ASIC2: variants seen among roughly 807,000 people sequenced by gnomAD.
ASIC2 encodes acid sensing ion channel subunit 2.
ASIC2 carries 25 observed loss-of-function variants against 57.3 expected under a neutral mutation model. The ratio of observed to expected loss-of-function variants is 0.44; its 90% confidence interval spans 0.32 to 0.61. The LOEUF (loss-of-function observed/expected upper bound fraction) is 0.61, where lower values mean the gene tolerates loss of function less well. Among genes scored for constraint, ASIC2 ranks in the 20% least tolerant of loss-of-function variants. ASIC2 has a pLI of 0.06. For missense variants in ASIC2, 641 were observed against 738.1 expected (o/e 0.87, Z 1.52); for synonymous variants, 319 against 307.5 (o/e 1.04, Z -0.39).
chr17:33,222,951 A>G (rs2142099171), intron 1 of ASIC2, among the ~76,000 whole-genome samples: 1 of 152,224 alleles, frequency 6.6e-6, no homozygotes. Context: ...CCAGAAGCCC[A>G]GTTTCTTACC....
At chr17:33,231,070 C>T (rs1170494041) in intron 1 of ASIC2, among the ~76,000 whole-genome samples, 2 of 152,144 alleles carry the variant, frequency 1.3e-5, no homozygotes, top group Non-Finnish European at 1.5e-5. Flanking sequence ...ACAGGGCTCT[C>T]TTGTCCTTAG....
chr17:34,030,206 G>A (rs960777963), intron 1 of ASIC2, among the ~76,000 whole-genome samples: 1 of 152,136 alleles, frequency 6.6e-6, no homozygotes, highest in East Asian at 1.9e-4. Flanking sequence ...CACTTTAATT[G>A]AAGAGCAAAG....
At chr17:33,732,007 A>G (rs1909757979) in intron 1 of ASIC2, among the ~76,000 whole-genome samples, 1 of 152,234 alleles carries the variant, frequency 6.6e-6, no homozygotes, top group Admixed American at 6.5e-5. Flanking sequence ...TGTATCATGA[A>G]TGCATGGGGT....
At chr17:33,083,140 T>G (rs767887285) in intron 3 of ASIC2, among the ~76,000 whole-genome samples, 14 of 152,170 alleles carry the variant, frequency 9.2e-5, no homozygotes, top group African/African-American at 3.4e-4. Context: ...GAGTATAACA[T>G]TGGATTGATT....
intron 1 of ASIC2, among the ~76,000 whole-genome samples, chr17:33,998,798 C>T (rs12601987): frequency 1.3e-5 from 2 of 151,878 alleles, no homozygotes; most frequent in African/African-American, 4.8e-5. Flanking sequence ...TTGATTTATC[C>T]TAGAGAATGT....
chr17:33,856,801 G>A (rs1218517690), intron 1 of ASIC2, among the ~76,000 whole-genome samples: 6 of 152,164 alleles, frequency 3.9e-5, no homozygotes, highest in Non-Finnish European at 8.8e-5. Flanking sequence ...AGGTAGTTCA[G>A]GGACCTGTAA....
chr17:33,917,208 C>T (rs962292009), intron 1 of ASIC2, among the ~76,000 whole-genome samples: 1 of 151,772 alleles, frequency 6.6e-6, no homozygotes, highest in Non-Finnish European at 1.5e-5. Flanking sequence ...TTGAGTCTCC[C>T]TCCTCTGGAG....
chr17:33,187,975 G>GA (rs1175675068), intron 1 of ASIC2, among the ~76,000 whole-genome samples: 1 of 149,952 alleles, frequency 6.7e-6, no homozygotes, highest in African/African-American at 2.4e-5. Context: ...TGCAATGAGG[G>GA]AAAAAAATCA....
chr17:33,712,499 A>G (rs996761128), intron 1 of ASIC2, among the ~76,000 whole-genome samples: 1 of 152,170 alleles, frequency 6.6e-6, no homozygotes, highest in African/African-American at 2.4e-5. Flanking sequence ...GTGGGTAAAG[A>G]ATTCGGGCCT....
intron 1 of ASIC2, among the ~76,000 whole-genome samples, chr17:33,768,966 C>A (rs1292694827): frequency 6.6e-6 from 1 of 152,166 alleles, no homozygotes; most frequent in Non-Finnish European, 1.5e-5. Context: ...AATTCCCCAC[C>A]CTCCACATGT....
At chr17:33,694,201 G>C (rs565939070) in intron 1 of ASIC2, among the ~76,000 whole-genome samples, 1 of 152,230 alleles carries the variant, frequency 6.6e-6, no homozygotes, top group African/African-American at 2.4e-5. Flanking sequence ...CAAGGCCATG[G>C]GGTTTAAAAC....
intron 1 of ASIC2, among the ~76,000 whole-genome samples, chr17:33,705,739 A>G (rs1024090749): frequency 2.0e-5 from 3 of 152,212 alleles, no homozygotes; most frequent in Non-Finnish European, 2.9e-5. Context: ...GTTTTGGCTC[A>G]TTGAAATCTA....
chr17:33,363,917 G>A (rs748317984), intron 1 of ASIC2, among the ~76,000 whole-genome samples: 61 of 152,314 alleles, frequency 4.0e-4, no homozygotes, highest in Non-Finnish European at 8.1e-4. Flanking sequence ...ACCACCTGCA[G>A]CCAGCCTCCC....
intron 1 of ASIC2, among the ~76,000 whole-genome samples, chr17:33,359,862 C>T (rs1241347719): frequency 6.6e-6 from 1 of 152,156 alleles, no homozygotes; most frequent in Non-Finnish European, 1.5e-5. Context: ...GGACTGAATT[C>T]CATGGGAGCC....
At chr17:33,491,761 CT>C (rs1913767662) in intron 1 of ASIC2, among the ~76,000 whole-genome samples, 1 of 152,184 alleles carries the variant, frequency 6.6e-6, no homozygotes, top group African/African-American at 2.4e-5. Flanking sequence ...GCTAGAGGGT[CT>C]CTGTCTGATG....
chr17:33,593,030 T>A (rs770607997), intron 1 of ASIC2, among the ~76,000 whole-genome samples: 1 of 152,210 alleles, frequency 6.6e-6, no homozygotes, highest in Admixed American at 6.5e-5. Flanking sequence ...GAAGTGTATG[T>A]CTATTTTTAC....
chr17:34,101,330 T>C (rs989742492), intron 1 of ASIC2, among the ~76,000 whole-genome samples: 1 of 152,336 alleles, frequency 6.6e-6, no homozygotes, highest in East Asian at 1.9e-4. Flanking sequence ...CTCAGACCTT[T>C]AGAGATCTGG....
intron 1 of ASIC2, among the ~76,000 whole-genome samples, chr17:33,514,654 G>A (rs981881953): frequency 2.0e-5 from 3 of 152,156 alleles, no homozygotes; most frequent in Non-Finnish European, 4.4e-5. Context: ...TTTCTGGAAT[G>A]GGATCCCATA....
chr17:33,825,698 C>G (rs1912884754), intron 1 of ASIC2, among the ~76,000 whole-genome samples: 1 of 152,060 alleles, frequency 6.6e-6, no homozygotes, highest in Non-Finnish European at 1.5e-5. Flanking sequence ...ACTTAAAGAC[C>G]TCAAAACTAT....
Sources: allele counts gnomAD v4.1 joint callset (sites outside exome capture counted in the v4.1 genomes callset), GRCh38; gene constraint gnomAD v4.1.1; transcripts MANE v1.5; gene names NCBI Gene and HGNC (gene_info 2026-07-23, HGNC 2026-07-21).